Variants in UEVLD observed in about 807,000 individuals in gnomAD.
UEVLD encodes UEV and lactate/malate dehyrogenase domains, also known as ubiquitin-conjugating enzyme E2 variant 3.
Under a neutral mutation model 58.6 loss-of-function variants are expected in UEVLD, and 47 were observed. That is an observed-to-expected ratio of 0.80 (90% CI 0.63 to 1.02). The LOEUF is 1.02. Ranked by LOEUF, UEVLD falls within the 50% of genes least tolerant of loss-of-function variation. The pLI, the probability that UEVLD is intolerant of heterozygous loss-of-function variation, is 0.00. For missense variants in UEVLD, 510 were observed against 550.6 expected (o/e 0.93, Z 0.74); for synonymous variants, 197 against 195.3 (o/e 1.01, Z -0.07).
intron 9 of UEVLD, among the ~76,000 whole-genome samples, chr11:18,538,663 T>C (rs1679744884): frequency 6.6e-6 from 1 of 151,220 alleles, no homozygotes; most frequent in South Asian, 2.1e-4. Flanking sequence ...TCGAGGAAAA[T>C]ACAAAACCTC....
At chr11:18,587,036 C>A (rs1333810424) in intron 1 of UEVLD, among the ~76,000 whole-genome samples, 6 of 151,930 alleles carry the variant, frequency 3.9e-5, no homozygotes, top group Non-Finnish European at 8.8e-5. Flanking sequence ...CGTCTCAAAA[C>A]AAACAGTAAT....
intron 7 of UEVLD, among the ~76,000 whole-genome samples, chr11:18,553,373 T>C (rs1037151010): frequency 6.6e-6 from 1 of 151,512 alleles, no homozygotes; most frequent in Non-Finnish European, 1.5e-5. Flanking sequence ...ACTCATATGA[T>C]GGAATATTAT....
chr11:18,563,463 C>A (rs769005590), intron 6 of UEVLD, among the ~76,000 whole-genome samples: 5 of 151,834 alleles, frequency 3.3e-5, no homozygotes, highest in African/African-American at 1.2e-4. Flanking sequence ...TGGTTGCTGG[C>A]GCCTGTAAGC....
intron 1 of UEVLD, among the ~76,000 whole-genome samples, chr11:18,586,898 G>C (rs1348238996): frequency 6.6e-6 from 1 of 152,164 alleles, no homozygotes; most frequent in African/African-American, 2.4e-5. Flanking sequence ...CGGGCTTGGT[G>C]GTGGGCGCCT....
intron 9 of UEVLD, 83 bp from the exon 10 acceptor site, chr11:18,536,552 G>A (rs1850804025): frequency 3.5e-6 from 4 of 1,151,314 alleles, no homozygotes; most frequent in African/African-American, 1.5e-5. Flanking sequence ...GGAGTCAAGG[G>A]TACCTGTGCT....
chr11:18,567,695 A>C (rs1278259587), intron 4 of UEVLD, among the ~76,000 whole-genome samples: 1 of 152,204 alleles, frequency 6.6e-6, no homozygotes, highest in African/African-American at 2.4e-5. Flanking sequence ...CTCTCAGAGA[A>C]ATTGCAAACC....
At chr11:18,585,249 CT>C (rs1853485459) in intron 1 of UEVLD, among the ~76,000 whole-genome samples, 3 of 152,102 alleles carry the variant, frequency 2.0e-5, no homozygotes, top group African/African-American at 7.2e-5. Context: ...TTGAATTTGT[CT>C]CTTATTTGTG....
At position 18,588,632 on chromosome 11, in the gene UEVLD, A is replaced by T. The variant is rs1853716855; in HGVS notation, c.23T>A (p.Leu8Gln). ...CCGCACCTTGCCAAGCAGCCGTCTC[A>T]GGCCCTCGCAGTCGAACTCCATCTC... MEFDCEG[L>Q]RRLLGKYKFR... The change falls in exon 1 of 12, where the codon CTG becomes CAG. Residue 8 changes from leucine (L) to glutamine (Q), a missense_variant. Coordinates refer to ENST00000396197, the MANE Select transcript of UEVLD (RefSeq NM_001040697.4). 1 of 1,610,146 alleles carries T rather than the reference A, an allele frequency of 6.2e-7. No individual in the cohort carries two copies. Among genetic ancestry groups the T allele is most frequent in the Non-Finnish European group, 8.5e-7 (1 of 1,179,824 alleles).
intron 1 of UEVLD, among the ~76,000 whole-genome samples, chr11:18,581,579 G>C (rs1853241317): frequency 6.6e-6 from 1 of 151,970 alleles, no homozygotes; most frequent in Non-Finnish European, 1.5e-5. Context: ...AGCTACTCAG[G>C]AGGCTGAGGC....
At chr11:18,534,728 C>G (rs972395304) in intron 10 of UEVLD, among the ~76,000 whole-genome samples, 1 of 152,162 alleles carries the variant, frequency 6.6e-6, no homozygotes, top group African/African-American at 2.4e-5. Flanking sequence ...CAATAAATAC[C>G]AATTTGCCTA....
At chr11:18,542,625 TACTAC>T (rs1851102832) in intron 9 of UEVLD, among the ~76,000 whole-genome samples, 1 of 152,082 alleles carries the variant, frequency 6.6e-6, no homozygotes, top group African/African-American at 2.4e-5. Context: ...ATTATATAAA[TACTAC>T]ATATTTTTAC....
intron 4 of UEVLD, among the ~76,000 whole-genome samples, chr11:18,568,259 C>T (rs1361551302): frequency 3.3e-5 from 5 of 152,026 alleles, no homozygotes; most frequent in Admixed American, 1.3e-4. Context: ...AGACTATCCC[C>T]GAGGATTTAT....
Position 18,564,936 on chromosome 11 carries a change from C to T in UEVLD, c.568G>A (p.Gly190Ser). The change falls in exon 6 of 12, where the codon GGT (glycine) becomes AGT (serine). Residue 190 changes from glycine (G) to serine (S), a missense_variant. Coordinates refer to ENST00000396197, the MANE Select transcript of UEVLD (RefSeq NM_001040697.4). Reference protein sequence around the residue: ...KTVNKITVVGGGELGIACTLA... With the variant: ...KTVNKITVVGSGELGIACTLA... ...GTGCAGGCAATACCGAGTTCTCCACCTCCAACCACAGTAATTTTATTGACT... is the reference window on the plus strand; with the variant it reads ...GTGCAGGCAATACCGAGTTCTCCACTTCCAACCACAGTAATTTTATTGACT... 6.2e-7 allele frequency: 1 copy of T among 1,613,768 alleles called. No individual in the cohort carries two copies.
chr11:18,542,776 T>G (rs1851108557), intron 9 of UEVLD, among the ~76,000 whole-genome samples: 1 of 152,090 alleles, frequency 6.6e-6, no homozygotes, highest in African/African-American at 2.4e-5. Flanking sequence ...GTGATTTGCT[T>G]TGTGGAAATA....
chr11:18,586,215 A>AC (rs1379409902), intron 1 of UEVLD, among the ~76,000 whole-genome samples: 1 of 151,086 alleles, frequency 6.6e-6, no homozygotes, highest in Non-Finnish European at 1.5e-5. Flanking sequence ...TTTTAAATTC[A>AC]TTTTTTTTTA....
chr11:18,558,215 A>C lies in UEVLD; in HGVS notation c.715+13T>G, dbSNP rs1851844843. On this transcript the variant is annotated intron_variant, in intron 7 of 11. Transcript: ENST00000396197. ...TCTAATAAGGCATACATCTTTAAGC[A>C]GAATAAACAGACCTTTGCTGATCTC... The C allele has an allele frequency of 1.9e-6, 3 of 1,597,974 alleles. No homozygotes were observed. The highest frequency in any genetic ancestry group is 2.7e-5 in the African/African-American group (2 of 74,386).
chr11:18,572,412 T>C (rs1852671127), intron 3 of UEVLD, among the ~76,000 whole-genome samples: 1 of 152,176 alleles, frequency 6.6e-6, no homozygotes, highest in African/African-American at 2.4e-5. Flanking sequence ...AGGATAGATA[T>C]AGGCTTCACT....
chr11:18,556,736 C>T (rs1000063755), intron 7 of UEVLD, among the ~76,000 whole-genome samples: 3 of 152,020 alleles, frequency 2.0e-5, no homozygotes, highest in Non-Finnish European at 4.4e-5. Flanking sequence ...TATTTACCTA[C>T]ATAAATATGT....
At position 18,534,379 on chromosome 11, in the gene UEVLD, C is replaced by T. The variant is rs751548668; in HGVS notation, c.1199G>A (p.Ser400Asn). ...VGLSVADMVDSIVNNKKKVHS... is the reference protein window; with the variant it reads ...VGLSVADMVDNIVNNKKKVHS... ...CACTTTCTTCTTATTGTTTACAATA[C>T]TGTCAACCATGTCAGCTACTGATAG... The change falls in exon 11 of 12, where the codon AGT becomes AAT. Residue 400 changes from serine to asparagine, a missense_variant. Transcript: ENST00000396197. 1 of 1,573,932 alleles carries T rather than the reference C, an allele frequency of 6.4e-7. No homozygotes were observed. The highest frequency in any genetic ancestry group is 2.0e-5 in the Admixed American group (1 of 50,702).
Sources: allele counts gnomAD v4.1 joint callset (sites outside exome capture counted in the v4.1 genomes callset), GRCh38; gene constraint gnomAD v4.1.1; transcripts MANE v1.5; gene names NCBI Gene and HGNC (gene_info 2026-07-23, HGNC 2026-07-21).